The following SP4 variants were observed in gnomAD, a reference collection of about 807,000 sequenced individuals.
SP4 encodes the protein transcription factor Sp4.
Under a neutral mutation model 72.8 loss-of-function variants are expected in SP4, and 19 were observed. That is an observed-to-expected ratio of 0.26 (90% CI 0.18 to 0.38). SP4 has a LOEUF of 0.38. Among genes scored for constraint, SP4 ranks in the 10% least tolerant of loss-of-function variants. The pLI, the probability that SP4 is intolerant of heterozygous loss-of-function variation, is 1.00. For missense variants in SP4, 1,008 were observed against 926.3 expected, an observed-to-expected ratio of 1.09 and a Z score of -1.14; for synonymous variants, 395 against 333.1, an observed-to-expected ratio of 1.19 and a Z score of -2.02.
At chr7:21,477,009 ATTTT>A in intron 3 of SP4, 66 bp from the exon 4 acceptor site, 2 of 1,061,596 alleles carry the variant, frequency 1.9e-6, no homozygotes, top group Non-Finnish European at 2.7e-6. Flanking sequence ...ATGCACATAG[ATTTT>A]TTTTTTTAAT....
Position 21,430,831 on chromosome 7 carries a change from A to G in SP4, c.1666A>G (p.Thr556Ala), listed in dbSNP as rs776644325. The G allele has an allele frequency of 1.2e-6, 2 of 1,609,438 alleles. No homozygotes were observed. The highest frequency in any genetic ancestry group is 1.7e-5 in the Admixed American group (1 of 59,918). ...VQVQGVPVTI[T>A]SVAGQQQGQD... Reference sequence around the variant, plus strand: ...AGTGCAGGGAGTTCCCGTTACAATCACTAGTGTTGCAGGTAAGTTCTGACA... The same window carrying G: ...AGTGCAGGGAGTTCCCGTTACAATCGCTAGTGTTGCAGGTAAGTTCTGACA... Residue 556 changes from threonine (T) to alanine (A), a missense_variant, in exon 3 of 6, where the codon ACT becomes GCT. This residue lies in a region of SP4 where 893 missense variants were observed against 743.3 expected (regional missense o/e 1.20). Coordinates refer to ENST00000222584, the MANE Select transcript of SP4 (RefSeq NM_003112.5).
At chr7:21,507,822 G>T (rs1247338935) in intron 5 of SP4, among the ~76,000 whole-genome samples, 4 of 151,952 alleles carry the variant, frequency 2.6e-5, no homozygotes, top group Non-Finnish European at 5.9e-5. Flanking sequence ...CCTACTGGAG[G>T]TTTCTTGCAC....
intron 5 of SP4, among the ~76,000 whole-genome samples, chr7:21,497,411 C>A (rs1414094277): frequency 6.6e-6 from 1 of 152,228 alleles, no homozygotes; most frequent in Non-Finnish European, 1.5e-5. Flanking sequence ...TACAGAAATT[C>A]AGCCATTTTT....
chr7:21,481,099 C>G (rs1245486278), intron 4 of SP4, among the ~76,000 whole-genome samples: 1 of 152,180 alleles, frequency 6.6e-6, no homozygotes, highest in Non-Finnish European at 1.5e-5. Context: ...TGGGCCAGGT[C>G]AAGGGCAACC....
At chr7:21,474,677 G>A (rs539137359) in intron 3 of SP4, among the ~76,000 whole-genome samples, 1 of 152,304 alleles carries the variant, frequency 6.6e-6, no homozygotes, top group African/African-American at 2.4e-5. Flanking sequence ...AAAGTAGATA[G>A]GGAGCAGAAA....
intron 3 of SP4, among the ~76,000 whole-genome samples, chr7:21,465,741 C>T (rs1784148425): frequency 6.6e-6 from 1 of 152,112 alleles, no homozygotes; most frequent in African/African-American, 2.4e-5. Context: ...TGGCACTTGC[C>T]TGTTGTCCTA....
chr7:21,455,563 A>G (rs1401365274), intron 3 of SP4, among the ~76,000 whole-genome samples: 5 of 152,140 alleles, frequency 3.3e-5, no homozygotes, highest in South Asian at 2.1e-4. Flanking sequence ...TGGTCTTACC[A>G]TGTACTCTTA....
At position 21,511,261 on chromosome 7, in the gene SP4, G is replaced by T; in HGVS notation, c.2347G>T (p.Glu783Ter). ...ATPNVSTNME[E>*]F ...TCCCAATGTTTCAACCAACATGGAA[G>T]AATTCTGAAAAGTTATTTATAACAG... is the stretch of plus-strand genomic sequence containing the variant. Residue 783 changes from glutamate (E) to a stop codon, truncating the protein, a stop_gained, in exon 6 of 6, where the codon GAA (glutamate) becomes TAA (stop). Transcript: ENST00000222584. LOFTEE classifies it high-confidence loss of function. 6.2e-7 allele frequency: 1 copy of T among 1,613,800 alleles called. No individual in the cohort carries two copies. The highest frequency in any genetic ancestry group is 8.5e-7 in the Non-Finnish European group (1 of 1,179,830).
intron 3 of SP4, among the ~76,000 whole-genome samples, chr7:21,434,023 A>G (rs958427410): frequency 6.6e-6 from 1 of 152,174 alleles, no homozygotes; most frequent in Non-Finnish European, 1.5e-5. Context: ...GAGAAGGAGC[A>G]ATAAGTACCC....
chr7:21,443,816 T>G (rs1042239502), intron 3 of SP4, among the ~76,000 whole-genome samples: 2 of 152,206 alleles, frequency 1.3e-5, no homozygotes, highest in Non-Finnish European at 2.9e-5. Context: ...AAAGAAATAC[T>G]TAAAAGTGGT....
At chr7:21,460,354 C>G (rs1237518283) in intron 3 of SP4, among the ~76,000 whole-genome samples, 2 of 152,114 alleles carry the variant, frequency 1.3e-5, no homozygotes, top group Non-Finnish European at 2.9e-5. Context: ...ATGAGTGTTA[C>G]AGCTCTTAAG....
At chr7:21,442,780 G>T in intron 3 of SP4, among the ~76,000 whole-genome samples, 1 of 152,188 alleles carries the variant, frequency 6.6e-6, no homozygotes, top group East Asian at 1.9e-4. Context: ...CTGTCGCCTA[G>T]GCTAGAGTGC....
chr7:21,464,492 G>A (rs972478655), intron 3 of SP4, among the ~76,000 whole-genome samples: 1 of 151,548 alleles, frequency 6.6e-6, no homozygotes, highest in African/African-American at 2.4e-5. Context: ...TGTTTATTTT[G>A]TTCTTGACAT....
intron 5 of SP4, among the ~76,000 whole-genome samples, chr7:21,502,518 A>G (rs1781897408): frequency 6.6e-6 from 1 of 151,986 alleles, no homozygotes; most frequent in African/African-American, 2.4e-5. Context: ...CATGCAACAC[A>G]TTACTTCAGG....
At chr7:21,460,647 G>T (rs1023266084) in intron 3 of SP4, among the ~76,000 whole-genome samples, 5 of 152,286 alleles carry the variant, frequency 3.3e-5, no homozygotes, top group African/African-American at 1.2e-4. Flanking sequence ...ACAGAGAGCC[G>T]ATTGGTCTGT....
chr7:21,467,318 A>T (rs576649837), intron 3 of SP4, among the ~76,000 whole-genome samples: 44 of 151,734 alleles, frequency 2.9e-4, no homozygotes, highest in East Asian at 3.9e-4. Flanking sequence ...TTAAAAAAAA[A>T]TTTTTTTTTA....
At chr7:21,469,002 G>A (rs1307314939) in intron 3 of SP4, among the ~76,000 whole-genome samples, 1 of 152,050 alleles carries the variant, frequency 6.6e-6, no homozygotes, top group East Asian at 1.9e-4. Flanking sequence ...AATGTTTCAT[G>A]TCCTTTGATT....
At chr7:21,462,935 G>A (rs1249651829) in intron 3 of SP4, among the ~76,000 whole-genome samples, 1 of 152,176 alleles carries the variant, frequency 6.6e-6, no homozygotes, top group Non-Finnish European at 1.5e-5. Context: ...TATGAAAGCC[G>A]TTGGTCACAT....
chr7:21,508,261 C>T (rs1461752049), intron 5 of SP4, among the ~76,000 whole-genome samples: 1 of 152,170 alleles, frequency 6.6e-6, no homozygotes, highest in African/African-American at 2.4e-5. Flanking sequence ...TTCACCTGTC[C>T]AAACCCAAAG....
Sources: gnomAD v4.1 joint callset for allele counts (sites outside exome capture counted in the v4.1 genomes callset) on GRCh38, gnomAD v4.1.1 for gene constraint, gnomAD v4.1.1 regional missense constraint, MANE v1.5 for transcripts, NCBI Gene and HGNC (gene_info 2026-07-23, HGNC 2026-07-21) for gene names.